The following PKD2L2 variants were observed in gnomAD, a reference collection of about 807,000 sequenced individuals.
PKD2L2 encodes polycystin 2 like 2, transient receptor potential cation channel.
Under a neutral mutation model 83.9 loss-of-function variants are expected in PKD2L2, and 67 were observed. The observed-to-expected ratio is 0.80, with a 90% CI of 0.66 to 0.98. The LOEUF (loss-of-function observed/expected upper bound fraction) is 0.98. PKD2L2 is among the 50% of genes least tolerant of loss of function. The pLI, the probability that PKD2L2 is intolerant of heterozygous loss-of-function variation, is 0.00. For missense variants in PKD2L2, 632 were observed against 717.2 expected (o/e 0.88, Z 1.36); for synonymous variants, 223 against 237.8 (o/e 0.94, Z 0.57).
chr5:137,911,560 T>C (rs1161291628), intron 8 of PKD2L2, among the ~76,000 whole-genome samples: 3 of 152,204 alleles, frequency 2.0e-5, no homozygotes, highest in Non-Finnish European at 2.9e-5. Context: ...AAATTATATA[T>C]ATTTATGCTA....
chr5:137,899,577 C>T lies in PKD2L2; in HGVS notation c.586C>T (p.Arg196Ter), dbSNP rs766721598. ...PWHWGFLGVY[R>*]NGGYIFTLSK... The stretch of plus-strand genomic sequence containing the variant: ...GCACTGGGGATTTCTTGGTGTTTAC[C>T]GAAATGGGGGATACATTTTCACTTT... Residue 196 changes from arginine to a stop codon, truncating the protein, a stop_gained, in exon 5 of 15, where the codon CGA becomes TGA. Coordinates refer to ENST00000508883, the MANE Select transcript of PKD2L2 (RefSeq NM_001300921.2). LOFTEE classifies it high-confidence loss of function. 22 of 1,613,686 alleles carry T rather than the reference C, an allele frequency of 1.4e-5. No homozygotes were observed. Among genetic ancestry groups the T allele is most frequent in the East Asian group, 2.2e-5 (1 of 44,864 alleles).
rs759157051 is a variant in PKD2L2 at position 137,894,553 on chromosome 5, C to A, written c.468C>A (p.Gly156=). 5 of 1,612,838 alleles carry A rather than the reference C, an allele frequency of 3.1e-6. No individual in the cohort carries two copies. The South Asian group carries it at 4.4e-5, about 14-fold the overall frequency. The part of the protein sequence containing the change: ...SFQSLMSECY[G]KYTSANEDLS... ...AGTCTTTGATGAGTGAATGTTATGG[C>A]AAATATACTTCTGCAAATGAAGACC... The change falls in exon 4 of 15, where the codon GGC becomes GGA. Residue 156 remains glycine (G), a synonymous_variant. Transcript: ENST00000508883.
At position 137,925,916 on chromosome 5, in the gene PKD2L2, G is replaced by C; in HGVS notation, c.1658G>C (p.Gly553Ala). The change falls in exon 12 of 15, where the codon GGC becomes GCC. Residue 553 changes from glycine (G) to alanine (A), a missense_variant. Transcript: ENST00000508883. ...GDLAEQARREGFDENEIQNAE... is the reference protein window; with the variant it reads ...GDLAEQARREAFDENEIQNAE... Reference sequence around the variant, plus strand: ...TTGGCTGAACAAGCCAGAAGAGAAGGCTTTGACGAAAATGTAAGATTTTAA... The same window carrying C: ...TTGGCTGAACAAGCCAGAAGAGAAGCCTTTGACGAAAATGTAAGATTTTAA... The C allele has an allele frequency of 6.3e-7, 1 of 1,591,048 alleles. No homozygotes were observed. Among genetic ancestry groups the C allele is most frequent in the African/African-American group, 1.3e-5 (1 of 74,730 alleles).
At position 137,921,711 on chromosome 5, in the gene PKD2L2, C is replaced by A. The variant is rs367676717; in HGVS notation, c.1404C>A (p.Pro468=). The change falls in exon 9 of 15, where the codon CCC becomes CCA. Residue 468 remains proline, a synonymous_variant. Transcript: ENST00000508883. The part of the protein sequence containing the change: ...GIQQANPILG[P]IYFITFIFFV... ...AGCAAGCCAATCCTATCTTGGGACCCATTTACTTCATCACTTTCATCTTTT... is the reference window on the plus strand; with the variant it reads ...AGCAAGCCAATCCTATCTTGGGACCAATTTACTTCATCACTTTCATCTTTT... 1.9e-6 allele frequency: 3 copies of A among 1,608,600 alleles called. No individual in the cohort carries two copies. Among genetic ancestry groups the A allele is most frequent in the Non-Finnish European group, 2.6e-6 (3 of 1,175,882 alleles).
rs1433066619 is a variant in PKD2L2 at position 137,908,766 on chromosome 5, T to C, written c.1148T>C (p.Ile383Thr). 5.4e-6 allele frequency: 8 copies of C among 1,491,688 alleles called. No homozygotes were observed. Among genetic ancestry groups the C allele is most frequent in the Middle Eastern group, 1.7e-4 (1 of 5,758 alleles). 92.4% of individuals were successfully genotyped at this position (1,491,688 alleles called of 1,614,324 possible). The change falls in exon 8 of 15, where the codon ATA (isoleucine) becomes ACA (threonine). Residue 383 changes from isoleucine to threonine, a missense_variant and splice_region_variant. By Grantham distance (89) the Ile-to-Thr change is moderately conservative. Around this residue, in one of 3 missense-constraint regions of PKD2L2, gnomAD observed 399 missense variants for 416.9 expected, o/e 0.96. Transcript: ENST00000508883. ...AITIFFAWIK[I>T]FKFISFNKTM... ...TCAATTAACTTTGTTCTTTTTCAGA[T>C]ATTCAAATTCATAAGCTTTAACAAG...
intron 14 of PKD2L2, chr5:137,940,204 T>A: frequency 1.1e-5 from 17 of 1,613,932 alleles, no homozygotes; most frequent in Non-Finnish European, 1.4e-5. Flanking sequence ...CTTTATGATA[T>A]GAATTTTCAA....
At chr5:137,902,632 A>G (rs747668990) in intron 5 of PKD2L2, among the ~76,000 whole-genome samples, 15 of 152,100 alleles carry the variant, frequency 9.9e-5, no homozygotes, top group Non-Finnish European at 1.6e-4. Context: ...TAGGGAGGTG[A>G]CCTAAGGTAA....
At chr5:137,942,106 G>A (rs1762025277) in intron 14 of PKD2L2, 3 of 1,392,172 alleles carry the variant, frequency 2.2e-6, no homozygotes, top group South Asian at 1.2e-5. Flanking sequence ...CTTAAGAGAG[G>A]TTCTATTTCT....
In PKD2L2 at chr5:137,925,935, A is replaced by G; in HGVS notation, c.1671+6A>G. 6 of 1,567,640 alleles carry G rather than the reference A, an allele frequency of 3.8e-6. No individual in the cohort carries two copies. The highest frequency in any genetic ancestry group is 5.3e-6 in the Non-Finnish European group (6 of 1,141,860). On this transcript the variant is annotated splice_donor_region_variant and intron_variant, in intron 12 of 14. Coordinates refer to ENST00000508883, the MANE Select transcript of PKD2L2 (RefSeq NM_001300921.2). ...GAGAAGGCTTTGACGAAAATGTAAG[A>G]TTTTAATTTTTTTCATAAACACTAG...
intron 8 of PKD2L2, among the ~76,000 whole-genome samples, chr5:137,918,859 T>C (rs1050026617): frequency 1.5e-4 from 22 of 151,476 alleles, no homozygotes; most frequent in Middle Eastern, 3.4e-3. Flanking sequence ...TTTTTTTTTT[T>C]CCTGATCCAG....
chr5:137,913,864 T>TCTTTTC (rs1758075758), intron 8 of PKD2L2, among the ~76,000 whole-genome samples: 1 of 150,726 alleles, frequency 6.6e-6, no homozygotes, highest in African/African-American at 2.4e-5. Flanking sequence ...CTTTCTTTTT[T>TCTTTTC]CTTTTCCTTT....
In PKD2L2 at chr5:137,936,440, G is replaced by T; in HGVS notation, c.*17+13G>T. On this transcript the variant is annotated intron_variant, in intron 14 of 14. Transcript: ENST00000508883. Reference sequence around the variant, plus strand: ...GAGACAAGTGGAGGTAAGAATCTGTGATGCAATCATTGAGCATTTCTTTTT... The same window carrying T: ...GAGACAAGTGGAGGTAAGAATCTGTTATGCAATCATTGAGCATTTCTTTTT... The T allele has an allele frequency of 6.6e-7, 1 of 1,522,746 alleles. No homozygotes were observed. The highest frequency in any genetic ancestry group is 1.2e-5 in the South Asian group (1 of 81,496). 94.3% of individuals were successfully genotyped at this position (1,522,746 alleles called of 1,614,324 possible). A position where few individuals can be genotyped will look rare whatever the true frequency, so the allele number is the denominator to read the frequency against.
Position 137,925,019 on chromosome 5 carries a change from ACTATTTTAAATTATGC to A in PKD2L2, c.1552-19_1552-4del, listed in dbSNP as rs1435114711. ...AGGATATATTTTAATGCATTTTCAA[ACTATTTTAAATTATGC>A]CCAGAGTTACAAAAATGTTCTCGAG... On this transcript the variant is annotated splice_polypyrimidine_tract_variant and splice_region_variant and intron_variant, in intron 10 of 14. Coordinates refer to ENST00000508883, the MANE Select transcript of PKD2L2 (RefSeq NM_001300921.2). 1 of 1,423,832 alleles carries A rather than the reference ACTATTTTAAATTATGC, an allele frequency of 7.0e-7. No homozygotes were observed. Among genetic ancestry groups the A allele is most frequent in the Admixed American group, 1.7e-5 (1 of 57,860 alleles). 88.2% of individuals were successfully genotyped at this position (1,423,832 alleles called of 1,614,324 possible).
chr5:137,910,380 A>G (rs1259630020), intron 8 of PKD2L2, among the ~76,000 whole-genome samples: 3 of 151,992 alleles, frequency 2.0e-5, no homozygotes, highest in Non-Finnish European at 4.4e-5. Flanking sequence ...TAAAGCACAG[A>G]ACAGGTAGAG....
chr5:137,933,300 T>C (rs1473058842), intron 12 of PKD2L2, among the ~76,000 whole-genome samples: 1 of 152,166 alleles, frequency 6.6e-6, no homozygotes, highest in Non-Finnish European at 1.5e-5. Context: ...CTATCCTTTA[T>C]ACAAATGAAG....
chr5:137,925,856 T>C lies in PKD2L2; in HGVS notation c.1617-19T>C. 1 of 1,555,404 alleles carries C rather than the reference T, an allele frequency of 6.4e-7. No individual in the cohort carries two copies. The highest frequency in any genetic ancestry group is 1.1e-5 in the South Asian group (1 of 87,868). On this transcript the variant is annotated intron_variant, in intron 11 of 14. Coordinates refer to ENST00000508883, the MANE Select transcript of PKD2L2 (RefSeq NM_001300921.2). ...CTTATTGTCATTTGCCTCTGACTTT[T>C]ATTTTATATTCTCAATAGCAAAGGC... is the stretch of plus-strand genomic sequence containing the variant.
At chr5:137,912,314 CTTG>C (rs1410799391) in intron 8 of PKD2L2, among the ~76,000 whole-genome samples, 1 of 152,138 alleles carries the variant, frequency 6.6e-6, no homozygotes, top group Admixed American at 6.6e-5. Flanking sequence ...CTTGATAACA[CTTG>C]TTATCTTTTT....
chr5:137,899,740 G>A lies in PKD2L2; in HGVS notation c.746+3G>A. 1 of 1,564,858 alleles carries A rather than the reference G, an allele frequency of 6.4e-7. No individual in the cohort carries two copies. The highest frequency in any genetic ancestry group is 8.8e-7 in the Non-Finnish European group (1 of 1,140,462). On this transcript the variant is annotated splice_donor_region_variant and intron_variant, in intron 5 of 14. Transcript: ENST00000508883. ...GTAAATCTATTTTGTATTATCAGGTGAGTGACTCAAAACTTTTTTTCATAG... is the reference window on the plus strand; with the variant it reads ...GTAAATCTATTTTGTATTATCAGGTAAGTGACTCAAAACTTTTTTTCATAG...
intron 9 of PKD2L2, among the ~76,000 whole-genome samples, 186 bp downstream of exon 9, chr5:137,921,942 A>G (rs1041629062): frequency 6.6e-6 from 1 of 152,208 alleles, no homozygotes; most frequent in African/African-American, 2.4e-5. Flanking sequence ...GAATGTAATC[A>G]CAGTAGTTAA....
Sources: allele counts gnomAD v4.1 joint callset (sites outside exome capture counted in the v4.1 genomes callset), GRCh38; gene constraint gnomAD v4.1.1; regional missense constraint gnomAD v4.1.1; transcripts MANE v1.5; gene names NCBI Gene and HGNC (gene_info 2026-07-23, HGNC 2026-07-21).